Variants in ANTXR2 observed in about 807,000 individuals in gnomAD.
The protein encoded by ANTXR2 is ANTXR cell adhesion molecule 2.
ANTXR2 carries 44 observed loss-of-function variants against 73.7 expected under a neutral mutation model. That is an observed-to-expected ratio of 0.60 (90% CI 0.47 to 0.77). ANTXR2 has a LOEUF of 0.77. ANTXR2 is among the 30% of genes least tolerant of loss of function. The probability of loss-of-function intolerance (pLI) is 0.00; values close to 1 mark genes in which losing one functional copy is unlikely to be tolerated. For synonymous variants in ANTXR2, 217 were observed against 205.9 expected (o/e 1.05, Z -0.46); for missense variants, 604 against 592.5 (o/e 1.02, Z -0.20).
At chr4:79,976,986 T>TA (rs1223957881) in intron 16 of ANTXR2, among the ~76,000 whole-genome samples, 9 of 152,254 alleles carry the variant, frequency 5.9e-5, no homozygotes, top group African/African-American at 2.2e-4. Flanking sequence ...AGTACTACTA[T>TA]ATTACTGAAA....
chr4:79,984,894 T>C (rs1207517483), intron 12 of ANTXR2, 31 bp from the exon 13 acceptor site: 10 of 1,533,586 alleles, frequency 6.5e-6, no homozygotes, highest in Middle Eastern at 1.7e-4. Flanking sequence ...TAAAAATTTC[T>C]ATGGCATAGA....
intron 14 of ANTXR2, among the ~76,000 whole-genome samples, chr4:79,981,898 G>C (rs906312889): frequency 6.6e-6 from 1 of 152,096 alleles, no homozygotes; most frequent in African/African-American, 2.4e-5. Flanking sequence ...AGGATGTGTG[G>C]GCAACATAAT....
In ANTXR2 at chr4:80,035,983, A is replaced by C; in HGVS notation, c.686T>G (p.Val229Gly). 2.6e-6 allele frequency: 4 copies of C among 1,541,390 alleles called. No individual in the cohort carries two copies. Among genetic ancestry groups the C allele is most frequent in the Non-Finnish European group, 3.5e-6 (4 of 1,145,256 alleles). The change falls in exon 8 of 17, where the codon GTC becomes GGC. Residue 229 changes from valine (V) to glycine (G), a missense_variant. Transcript: ENST00000403729. ...TTCTAAACACTTACCCCCCACACAGACACTTGAGGGCTGCAATTCTAGGAT... is the reference window on the plus strand; with the variant it reads ...TTCTAAACACTTACCCCCCACACAGCCACTTGAGGGCTGCAATTCTAGGAT... ...TEILELQPSS[V>G]CVGEEFQIVL...
Position 79,978,022 on chromosome 4 carries a change from C to A in ANTXR2, c.1332G>T (p.Trp444Cys), listed in dbSNP as rs1238349684. Residue 444 changes from tryptophan to cysteine, a missense_variant, in exon 15 of 17, where the codon TGG becomes TGT. Physicochemically the swap from Trp to Cys is radical, Grantham distance 215. Transcript: ENST00000403729. Reference sequence around the variant, plus strand: ...GGACACATACCTTAATTGGGGTGTACCATTTTGTCTGAGGAGGCTGGTGTG... The same window carrying A: ...GGACACATACCTTAATTGGGGTGTAACATTTTGTCTGAGGAGGCTGGTGTG... ...KPTHQPPQTK[W>C]YTPIKGRLDA... The A allele has an allele frequency of 6.3e-7, 1 of 1,599,368 alleles. No homozygotes were observed. The highest frequency in any genetic ancestry group is 8.5e-7 in the Non-Finnish European group (1 of 1,175,058).
chr4:80,027,896 C>T (rs1732513488), intron 10 of ANTXR2, among the ~76,000 whole-genome samples: 1 of 152,072 alleles, frequency 6.6e-6, no homozygotes, highest in South Asian at 2.1e-4. Flanking sequence ...AGGCTAGTGC[C>T]CTGGATTAGG....
At chr4:79,987,639 T>C (rs1284667763) in intron 12 of ANTXR2, among the ~76,000 whole-genome samples, 1 of 152,106 alleles carries the variant, frequency 6.6e-6, no homozygotes, top group African/African-American at 2.4e-5. Context: ...CTTTAAAATA[T>C]ACTAGAAAAG....
intron 16 of ANTXR2, among the ~76,000 whole-genome samples, chr4:79,930,628 C>G (rs1225384072): frequency 6.6e-6 from 1 of 152,146 alleles, no homozygotes; most frequent in Non-Finnish European, 1.5e-5. Flanking sequence ...CAGTGCTTGT[C>G]TGAGTCATGT....
At position 80,072,437 on chromosome 4, in the gene ANTXR2, C is replaced by CTCTT. The variant is rs747586624; in HGVS notation, c.120_123dup (p.Ala42LysfsTer4). 1 of 1,607,340 alleles carries CTCTT rather than the reference C, an allele frequency of 6.2e-7. No homozygotes were observed. Among genetic ancestry groups the CTCTT allele is most frequent in the Non-Finnish European group, 8.5e-7 (1 of 1,177,242 alleles). On this transcript the variant is annotated frameshift_variant, in exon 1 of 17. Transcript: ENST00000403729. LOFTEE classifies it high-confidence loss of function. ...TCCAGGACGAAGTAGAGATCAAAGG[C>CTCTT]TCTTCTGCAGGAGGGCTGCTCCTGG...
At chr4:80,028,988 A>C (rs1053242439) in intron 10 of ANTXR2, among the ~76,000 whole-genome samples, 1 of 152,166 alleles carries the variant, frequency 6.6e-6, no homozygotes, top group African/African-American at 2.4e-5. Context: ...AAAGGAAGAC[A>C]AAAGCAATTC....
chr4:80,014,727 C>T (rs1365865424), intron 11 of ANTXR2, among the ~76,000 whole-genome samples: 3 of 152,144 alleles, frequency 2.0e-5, no homozygotes, highest in East Asian at 1.9e-4. Context: ...GAGATGTAAT[C>T]ATCAAGGGAG....
chr4:79,925,234 T>C lies in ANTXR2; in HGVS notation c.1429-17767A>G, dbSNP rs1277192565. 2.0e-5 allele frequency among the ~76,000 whole-genome samples: 3 copies of C among 152,052 alleles called. No individual in the cohort carries two copies. The East Asian group carries it at 5.8e-4, about 29-fold the overall frequency. ...CAAAAAGCAAGCCAGCTGTTCATTC[T>C]ATTTGGTGCTATTAAAAGTCGTTTT... On this transcript the variant is annotated intron_variant, in intron 16 of 16. Coordinates refer to ENST00000403729, the MANE Select transcript of ANTXR2 (RefSeq NM_058172.6).
chr4:80,019,055 C>G, intron 10 of ANTXR2, 79 bp from the exon 11 acceptor site: 1 of 950,226 alleles, frequency 1.1e-6, no homozygotes, highest in Admixed American at 3.7e-5. Flanking sequence ...TTATGTAATT[C>G]AAAACCAGCC....
Position 79,904,742 on chromosome 4 carries a change from T to A in ANTXR2, c.*2687A>T, listed in dbSNP as rs1726838442. On this transcript the variant is annotated 3_prime_UTR_variant, in exon 17 of 17. Transcript: ENST00000403729. ...ATGGATTATGTGCAAGACTTATTCA[T>A]TTTTACACAGAAAGTAGATCTTGAC... The A allele has an allele frequency of 6.6e-6, 1 of 152,156 alleles. No individual in the cohort carries two copies. Among genetic ancestry groups the A allele is most frequent in the Admixed American group, 6.6e-5 (1 of 15,262 alleles). 9.4% of individuals were successfully genotyped at this position (152,156 alleles called of 1,614,324 possible).
intron 12 of ANTXR2, among the ~76,000 whole-genome samples, chr4:79,987,125 C>T (rs1049703702): frequency 2.0e-5 from 3 of 152,058 alleles, no homozygotes; most frequent in Admixed American, 6.6e-5. Flanking sequence ...CTCAATAACT[C>T]CCCCAGAAAT....
intron 16 of ANTXR2, among the ~76,000 whole-genome samples, chr4:79,953,463 T>C (rs1560899743): frequency 6.6e-6 from 1 of 152,130 alleles, no homozygotes; most frequent in African/African-American, 2.4e-5. Flanking sequence ...GAGGGAATTA[T>C]AAATAATAAA....
At chr4:80,003,376 A>G (rs2110048696) in intron 12 of ANTXR2, among the ~76,000 whole-genome samples, 1 of 131,970 alleles carries the variant, frequency 7.6e-6, no homozygotes, top group East Asian at 2.5e-4. Context: ...ACACATGGAC[A>G]CAGGAAGGGG....
intron 13 of ANTXR2, among the ~76,000 whole-genome samples, chr4:79,984,171 T>C (rs553243507): frequency 4.5e-4 from 69 of 152,296 alleles, no homozygotes; most frequent in Non-Finnish European, 4.9e-4. Context: ...CTTTCCCTCC[T>C]CAAATTTCAG....
chr4:79,989,854 T>C (rs1040419600), intron 12 of ANTXR2, among the ~76,000 whole-genome samples: 1 of 152,006 alleles, frequency 6.6e-6, no homozygotes, highest in Admixed American at 6.6e-5. Flanking sequence ...ATGTGATTCA[T>C]TACATGAACA....
At chr4:79,923,989 C>T (rs1727688157) in intron 16 of ANTXR2, among the ~76,000 whole-genome samples, 2 of 152,022 alleles carry the variant, frequency 1.3e-5, no homozygotes, top group African/African-American at 4.8e-5. Context: ...AAAACACACA[C>T]ATATATTGTT....
Sources: allele counts gnomAD v4.1 joint callset (sites outside exome capture counted in the v4.1 genomes callset), GRCh38; gene constraint gnomAD v4.1.1; transcripts MANE v1.5; gene names NCBI Gene and HGNC (gene_info 2026-07-23, HGNC 2026-07-21).